The following CACNA2D1 variants were observed in gnomAD, a reference collection of about 807,000 sequenced individuals.
The protein encoded by CACNA2D1 is voltage-dependent calcium channel subunit alpha-2/delta-1.
CACNA2D1 carries 53 observed loss-of-function variants against 171.5 expected under a neutral mutation model. The observed-to-expected ratio is 0.31, with a 90% CI of 0.25 to 0.39. The LOEUF (loss-of-function observed/expected upper bound fraction) is 0.39. Among genes scored for constraint, CACNA2D1 ranks in the 10% least tolerant of loss-of-function variants. The pLI, the probability that CACNA2D1 is intolerant of heterozygous loss-of-function variation, is 1.00. For synonymous variants in CACNA2D1, 442 were observed against 443.1 expected (o/e 1.00, Z 0.03); for missense variants, 903 against 1,299.8 (o/e 0.69, Z 4.69).
At chr7:82,051,423 T>C (rs1805183872) in intron 10 of CACNA2D1, among the ~76,000 whole-genome samples, 2 of 152,164 alleles carry the variant, frequency 1.3e-5, no homozygotes, top group African/African-American at 4.8e-5. Context: ...TAAAAAGTTA[T>C]TTCCTACAAG....
At chr7:82,120,874 C>CA (rs749679830) in intron 5 of CACNA2D1, among the ~76,000 whole-genome samples, 36,917 of 104,390 alleles carry the variant, frequency 0.35, 7,131 homozygotes, top group African/African-American at 0.56. Context: ...GACTCTATCT[C>CA]AAAAAAAAAA....
chr7:82,091,433 C>G (rs1444217412), intron 6 of CACNA2D1, among the ~76,000 whole-genome samples: 1 of 152,176 alleles, frequency 6.6e-6, no homozygotes, highest in Non-Finnish European at 1.5e-5. Context: ...CCCCCTATCA[C>G]TTTAGTTTCC....
At chr7:82,253,204 G>C (rs1372225038) in intron 3 of CACNA2D1, among the ~76,000 whole-genome samples, 1 of 152,160 alleles carries the variant, frequency 6.6e-6, no homozygotes, top group Non-Finnish European at 1.5e-5. Flanking sequence ...TACAGAATTT[G>C]GGATAGAAAA....
At chr7:82,017,583 G>A (rs1382629665) in intron 12 of CACNA2D1, among the ~76,000 whole-genome samples, 1 of 151,648 alleles carries the variant, frequency 6.6e-6, no homozygotes, top group Non-Finnish European at 1.5e-5. Context: ...AGTCCACAGA[G>A]ATGATTGATA....
chr7:82,082,440 G>C (rs1447460965), intron 7 of CACNA2D1, among the ~76,000 whole-genome samples: 1 of 152,018 alleles, frequency 6.6e-6, no homozygotes, highest in African/African-American at 2.4e-5. Context: ...GGCTTTTATG[G>C]ACTCAGAACG....
rs551983807 is a variant in CACNA2D1, at chr7:82,420,890, T to C, written c.95+22475A>G. Among the ~76,000 whole-genome samples the C allele has an allele frequency of 2.0e-5, 3 of 152,268 alleles. No individual in the cohort carries two copies. The South Asian group carries it at 6.2e-4, about 32-fold the overall frequency. On this transcript the variant is annotated intron_variant, in intron 1 of 38. Transcript: ENST00000356860. Reference sequence around the variant, plus strand: ...CATTGGTTGTTATTATTTAGTCCTTTATGGATAACACATAACCATCTTTTA... The same window carrying C: ...CATTGGTTGTTATTATTTAGTCCTTCATGGATAACACATAACCATCTTTTA...
chr7:82,146,406 A>G (rs1584914829), intron 4 of CACNA2D1, among the ~76,000 whole-genome samples: 1 of 146,224 alleles, frequency 6.8e-6, no homozygotes, highest in Non-Finnish European at 1.5e-5. Flanking sequence ...AAAGATATAT[A>G]TTTATATATA....
At chr7:82,426,727 A>G (rs1829229940) in intron 1 of CACNA2D1, among the ~76,000 whole-genome samples, 1 of 152,158 alleles carries the variant, frequency 6.6e-6, no homozygotes, top group South Asian at 2.1e-4. Context: ...ATCAGGGACA[A>G]TGGGCCACTA....
intron 29 of CACNA2D1, 81 bp downstream of exon 29, chr7:81,968,806 A>T (rs1289651389): frequency 1.2e-6 from 1 of 823,706 alleles, no homozygotes; most frequent in Non-Finnish European, 2.1e-6. Context: ...GACCTTCTTG[A>T]TAAACATTGC....
chr7:81,982,648 G>A (rs1358254984), intron 23 of CACNA2D1, 21 bp from the exon 24 acceptor site: 1 of 1,446,940 alleles, frequency 6.9e-7, no homozygotes, highest in East Asian at 2.3e-5. Flanking sequence ...AATGTTACAG[G>A]ATTAGATAGG....
chr7:82,182,344 GC>G (rs1797213952), intron 3 of CACNA2D1, among the ~76,000 whole-genome samples: 1 of 152,024 alleles, frequency 6.6e-6, no homozygotes, highest in Non-Finnish European at 1.5e-5. Flanking sequence ...ATATGGAAAG[GC>G]CCCATCTCAC....
At chr7:82,401,380 A>C (rs1826389641) in intron 1 of CACNA2D1, among the ~76,000 whole-genome samples, 3 of 150,910 alleles carry the variant, frequency 2.0e-5, no homozygotes, top group South Asian at 2.1e-4. Context: ...GCAGCCATAA[A>C]AAATGATGAG....
At chr7:82,100,652 TTTCTATGCATGAAAGA>T (rs1812568301) in intron 6 of CACNA2D1, among the ~76,000 whole-genome samples, 1 of 152,202 alleles carries the variant, frequency 6.6e-6, no homozygotes, top group African/African-American at 2.4e-5. Context: ...GCTGGAAAGA[TTTCTATGCATGAAAGA>T]TATACATATA....
chr7:82,210,179 A>G (rs77959489), intron 3 of CACNA2D1, among the ~76,000 whole-genome samples: 12,870 of 152,166 alleles, frequency 0.085, 722 homozygotes, highest in Non-Finnish European at 0.11. Context: ...ATTAATAATA[A>G]GTTCATTGTT....
chr7:82,201,449 C>G (rs575944556), intron 3 of CACNA2D1, among the ~76,000 whole-genome samples: 1 of 152,106 alleles, frequency 6.6e-6, no homozygotes, highest in African/African-American at 2.4e-5. Flanking sequence ...GATAATTTGG[C>G]CAGCATCATG....
intron 3 of CACNA2D1, among the ~76,000 whole-genome samples, chr7:82,240,988 A>C (rs1388231003): frequency 6.6e-6 from 1 of 152,064 alleles, no homozygotes; most frequent in Non-Finnish European, 1.5e-5. Flanking sequence ...AGCAACTTTA[A>C]GGTCTTACTT....
chr7:82,425,529 C>T (rs1829092806), intron 1 of CACNA2D1, among the ~76,000 whole-genome samples: 1 of 149,030 alleles, frequency 6.7e-6, no homozygotes, highest in Non-Finnish European at 1.5e-5. Flanking sequence ...AAATTTTAAA[C>T]ATGAGATTCA....
intron 4 of CACNA2D1, among the ~76,000 whole-genome samples, chr7:82,157,454 G>T (rs1323655565): frequency 1.3e-5 from 2 of 151,934 alleles, no homozygotes; most frequent in Non-Finnish European, 2.9e-5. Flanking sequence ...CACAAATAAA[G>T]ACTTGTGAGA....
chr7:82,243,962 T>C (rs529506025), intron 3 of CACNA2D1, among the ~76,000 whole-genome samples: 18 of 152,242 alleles, frequency 1.2e-4, no homozygotes, highest in African/African-American at 4.1e-4. Flanking sequence ...ACCAAAGACT[T>C]AAAGATTTTC....
Sources: allele counts gnomAD v4.1 joint callset (sites outside exome capture counted in the v4.1 genomes callset), GRCh38; gene constraint gnomAD v4.1.1; transcripts MANE v1.5; gene names NCBI Gene and HGNC (gene_info 2026-07-23, HGNC 2026-07-21).